RAP1A: variants seen among roughly 807,000 people sequenced by gnomAD.
RAP1A encodes RAP1A, member of RAS oncogene family.
In RAP1A, 6 loss-of-function variants were observed where a neutral mutation model predicts 26.4. The observed-to-expected ratio is 0.23, with a 90% CI of 0.12 to 0.45. RAP1A has a LOEUF of 0.45. Among genes scored for constraint, RAP1A ranks in the 20% least tolerant of loss-of-function variants. RAP1A has a pLI of 0.99. For synonymous variants in RAP1A, 73 were observed against 79.4 expected (o/e 0.92, Z 0.43); for missense variants, 121 against 217.2 (o/e 0.56, Z 2.78).
chr1:111,604,755 T>C (rs1411972354), intron 1 of RAP1A: 1 of 152,210 alleles, frequency 6.6e-6, no homozygotes, highest in Non-Finnish European at 1.5e-5. Context: ...ATCCTCAAAA[T>C]AATTGCATGA....
chr1:111,576,917 C>T (rs1347686520), intron 1 of RAP1A, among the ~76,000 whole-genome samples: 3 of 152,194 alleles, frequency 2.0e-5, no homozygotes, highest in African/African-American at 7.2e-5. Flanking sequence ...GCTCCAGAAT[C>T]TGCATCACCA....
intron 1 of RAP1A, among the ~76,000 whole-genome samples, chr1:111,622,541 T>A (rs1348838278): frequency 4.6e-5 from 7 of 152,212 alleles, no homozygotes; most frequent in African/African-American, 1.7e-4. Context: ...TCCCTGCCAC[T>A]GTTTCTATCC....
At chr1:111,645,413 G>C in intron 1 of RAP1A, among the ~76,000 whole-genome samples, 1 of 152,182 alleles carries the variant, frequency 6.6e-6, no homozygotes. Flanking sequence ...GGATTGATGT[G>C]CAGTACTGAG....
intron 1 of RAP1A, among the ~76,000 whole-genome samples, chr1:111,555,509 A>G (rs967915381): frequency 6.6e-6 from 1 of 152,072 alleles, no homozygotes. Context: ...AAGAATTAGT[A>G]AATTGAAGAA....
chr1:111,621,689 T>C (rs1319379701), intron 1 of RAP1A, among the ~76,000 whole-genome samples: 2 of 152,230 alleles, frequency 1.3e-5, no homozygotes, highest in African/African-American at 4.8e-5. Flanking sequence ...CTGACACCTT[T>C]GAGAATATGA....
chr1:111,598,609 T>C lies in RAP1A; in HGVS notation c.-28+56100T>C, dbSNP rs1293802970. Among the ~76,000 whole-genome samples the C allele has an allele frequency of 2.6e-5, 4 of 152,126 alleles. No individual in the cohort carries two copies. In the East Asian group the frequency reaches 7.7e-4, roughly 29 times the overall value. ...GAAAGTAGAAAAATTCAAACTGTGT[T>C]TCTCCTCTGCTTTCACACCACAACA... On this transcript the variant is annotated intron_variant, in intron 1 of 7. Coordinates refer to the RAP1A transcript ENST00000356415.
intron 1 of RAP1A, among the ~76,000 whole-genome samples, chr1:111,597,695 C>A (rs1658587252): frequency 6.6e-6 from 1 of 152,090 alleles, no homozygotes; most frequent in South Asian, 2.1e-4. Flanking sequence ...GACCACAGAG[C>A]AATTTTCATA....
At chr1:111,646,010 A>G (rs1483753325) in intron 1 of RAP1A, among the ~76,000 whole-genome samples, 2 of 152,254 alleles carry the variant, frequency 1.3e-5, no homozygotes, top group East Asian at 1.9e-4. Context: ...TGTTTATATC[A>G]GGTGCTGAAA....
At chr1:111,590,171 TTGTA>T (rs775490082) in intron 1 of RAP1A, among the ~76,000 whole-genome samples, 13 of 112,096 alleles carry the variant, frequency 1.2e-4, no homozygotes, top group Non-Finnish European at 2.5e-4. Context: ...TCTTAATAGT[TTGTA>T]GATTGTCTTC....
At chr1:111,655,832 C>T (rs1418856080) in intron 1 of RAP1A, among the ~76,000 whole-genome samples, 1 of 151,808 alleles carries the variant, frequency 6.6e-6, no homozygotes, top group African/African-American at 2.4e-5. Flanking sequence ...CACCACCACG[C>T]CTGGCTAATT....
chr1:111,585,525 T>C (rs1244180161), intron 1 of RAP1A, among the ~76,000 whole-genome samples: 2 of 152,164 alleles, frequency 1.3e-5, no homozygotes, highest in Non-Finnish European at 2.9e-5. Flanking sequence ...GATGTCAGTC[T>C]GAGCCATCAA....
chr1:111,681,778 G>A (rs749853865), intron 1 of RAP1A, among the ~76,000 whole-genome samples: 2 of 152,136 alleles, frequency 1.3e-5, no homozygotes, highest in Non-Finnish European at 2.9e-5. Context: ...AAATGCTCCA[G>A]GATATTATCC....
At chr1:111,543,090 A>G (rs1261655348) in intron 1 of RAP1A, among the ~76,000 whole-genome samples, 1 of 152,210 alleles carries the variant, frequency 6.6e-6, no homozygotes, top group Non-Finnish European at 1.5e-5. Context: ...ATATTTCTGA[A>G]GAAATTATTT....
chr1:111,628,024 C>T (rs2101099121), intron 1 of RAP1A, among the ~76,000 whole-genome samples: 1 of 152,074 alleles, frequency 6.6e-6, no homozygotes, highest in East Asian at 1.9e-4. Flanking sequence ...TTACTAAGTA[C>T]ATGATTGGAG....
intron 1 of RAP1A, among the ~76,000 whole-genome samples, chr1:111,603,746 C>T (rs1383882342): frequency 6.6e-6 from 1 of 152,138 alleles, no homozygotes; most frequent in Non-Finnish European, 1.5e-5. Context: ...GATTATTTTT[C>T]ATACCATGCC....
intron 1 of RAP1A, among the ~76,000 whole-genome samples, chr1:111,681,252 G>A (rs1471541406): frequency 6.6e-6 from 1 of 152,046 alleles, no homozygotes; most frequent in Admixed American, 6.6e-5. Flanking sequence ...CGTCTCAGGG[G>A]AAAAAATGCT....
chr1:111,668,085 G>A (rs1052631955), intron 1 of RAP1A, among the ~76,000 whole-genome samples: 2 of 152,142 alleles, frequency 1.3e-5, no homozygotes, highest in Non-Finnish European at 2.9e-5. Flanking sequence ...AGGTTTGGGG[G>A]TTGTTATTCT....
chr1:111,655,308 GC>G (rs1660417146), intron 1 of RAP1A, among the ~76,000 whole-genome samples: 1 of 148,788 alleles, frequency 6.7e-6, no homozygotes, highest in Non-Finnish European at 1.5e-5. Flanking sequence ...GTGATAAACA[GC>G]TAAAAGCAAA....
At chr1:111,551,652 C>G (rs781184219) in intron 1 of RAP1A, among the ~76,000 whole-genome samples, 1 of 152,040 alleles carries the variant, frequency 6.6e-6, no homozygotes, top group Non-Finnish European at 1.5e-5. Flanking sequence ...AAGGGAGTTA[C>G]AAACAAAAAT....
Sources: allele counts gnomAD v4.1 joint callset (sites outside exome capture counted in the v4.1 genomes callset), GRCh38; gene constraint gnomAD v4.1.1; transcripts MANE v1.5; gene names NCBI Gene and HGNC (gene_info 2026-07-23, HGNC 2026-07-21).